Variants in SDK1 observed in about 807,000 individuals in gnomAD.
SDK1 encodes the protein sidekick cell adhesion molecule 1, also known as protein sidekick-1.
In SDK1, 157 loss-of-function variants were observed where a neutral mutation model predicts 245.5. The ratio of observed to expected loss-of-function variants is 0.64; its 90% confidence interval spans 0.56 to 0.73. The LOEUF (loss-of-function observed/expected upper bound fraction) is 0.73. Ranked by LOEUF, SDK1 falls within the 30% of genes least tolerant of loss-of-function variation. The probability of loss-of-function intolerance (pLI) is 0.00; values close to 1 mark genes in which losing one functional copy is unlikely to be tolerated. For synonymous variants in SDK1, 1,647 were observed against 1,278.5 expected (o/e 1.29, Z -6.15); for missense variants, 3,583 against 3,002.3 (o/e 1.19, Z -4.52).
chr7:3,761,942 T>C (rs745461904), intron 4 of SDK1, among the ~76,000 whole-genome samples: 1 of 152,176 alleles, frequency 6.6e-6, no homozygotes, highest in Non-Finnish European at 1.5e-5. Flanking sequence ...TAAGCAAATA[T>C]TGTTTCCATA....
At chr7:3,351,939 A>G (rs1456770160) in intron 1 of SDK1, among the ~76,000 whole-genome samples, 2 of 152,092 alleles carry the variant, frequency 1.3e-5, no homozygotes, top group Admixed American at 6.5e-5. Context: ...ATTCTTTTCA[A>G]GCACATGGAG....
chr7:3,392,208 A>G (rs1334357590), intron 1 of SDK1, among the ~76,000 whole-genome samples: 1 of 152,194 alleles, frequency 6.6e-6, no homozygotes, highest in African/African-American at 2.4e-5. Flanking sequence ...AGAGAAAAGC[A>G]TGATGAACCC....
chr7:4,060,933 T>A (rs1028633961), intron 19 of SDK1, among the ~76,000 whole-genome samples: 1 of 151,956 alleles, frequency 6.6e-6, no homozygotes, highest in African/African-American at 2.4e-5. Flanking sequence ...CTCAGGTTTG[T>A]CAAAGATCAG....
At chr7:3,686,375 C>T (rs893572949) in intron 4 of SDK1, among the ~76,000 whole-genome samples, 10 of 152,164 alleles carry the variant, frequency 6.6e-5, no homozygotes, top group Admixed American at 3.3e-4. Context: ...CATGCCTGGC[C>T]AAGGCAAACG....
At chr7:3,861,055 A>G (rs1265494544) in intron 5 of SDK1, among the ~76,000 whole-genome samples, 5 of 152,198 alleles carry the variant, frequency 3.3e-5, no homozygotes, top group Admixed American at 1.3e-4. Context: ...TTAGGCCGAC[A>G]CGATTATAAT....
chr7:3,701,980 A>C (rs1339219078), intron 4 of SDK1, among the ~76,000 whole-genome samples: 1 of 151,822 alleles, frequency 6.6e-6, no homozygotes, highest in East Asian at 1.9e-4. Context: ...CCTACACCCT[A>C]ATCTTTATAT....
intron 4 of SDK1, among the ~76,000 whole-genome samples, chr7:3,711,467 A>G (rs10264235): frequency 0.15 from 22,676 of 152,138 alleles, 2,734 homozygotes; most frequent in African/African-American, 0.33. Context: ...GAAGGAAACA[A>G]TGACTCAGGT....
At chr7:4,120,819 T>A in intron 25 of SDK1, among the ~76,000 whole-genome samples, 1 of 151,960 alleles carries the variant, frequency 6.6e-6, no homozygotes, top group Admixed American at 6.6e-5. Flanking sequence ...TTTCACCATG[T>A]TGGCCAGGCT....
At chr7:3,389,312 A>G (rs1048916987) in intron 1 of SDK1, among the ~76,000 whole-genome samples, 1 of 152,192 alleles carries the variant, frequency 6.6e-6, no homozygotes, top group Non-Finnish European at 1.5e-5. Flanking sequence ...GGTGGGCTCC[A>G]AATACAATTA....
chr7:3,762,846 T>C (rs1780145982), intron 4 of SDK1, among the ~76,000 whole-genome samples: 1 of 152,244 alleles, frequency 6.6e-6, no homozygotes, highest in South Asian at 2.1e-4. Context: ...GAATATGTTA[T>C]AAAATCACAC....
chr7:3,892,176 G>A (rs1781476825), intron 5 of SDK1, among the ~76,000 whole-genome samples: 2 of 152,120 alleles, frequency 1.3e-5, no homozygotes, highest in Non-Finnish European at 2.9e-5. Flanking sequence ...TTTTTGTAAT[G>A]GCAGCCCTAC....
chr7:3,574,499 A>C (rs1780222619), intron 1 of SDK1, among the ~76,000 whole-genome samples: 1 of 152,070 alleles, frequency 6.6e-6, no homozygotes, highest in Non-Finnish European at 1.5e-5. Context: ...TAAGGTAACC[A>C]ACGGGGCTAG....
chr7:3,948,387 A>G (rs1298861880), intron 5 of SDK1, among the ~76,000 whole-genome samples: 1 of 150,856 alleles, frequency 6.6e-6, no homozygotes, highest in Non-Finnish European at 1.5e-5. Context: ...TCTCCCGAGT[A>G]GCTGGGACTA....
intron 1 of SDK1, among the ~76,000 whole-genome samples, chr7:3,360,008 T>C (rs1458051816): frequency 3.9e-5 from 6 of 152,182 alleles, no homozygotes; most frequent in Non-Finnish European, 8.8e-5. Flanking sequence ...TACAACACTT[T>C]GTTTTGCTTC....
At position 3,738,179 on chromosome 7, in the gene SDK1, A is replaced by C. The variant is rs748439939; in HGVS notation, c.714-83271A>C. ...TTTTATTGTAAGTGCTTTCAATTTTAGGTCTTAGGTTTAAATCTTTGTTCT... is the reference window on the plus strand; with the variant it reads ...TTTTATTGTAAGTGCTTTCAATTTTCGGTCTTAGGTTTAAATCTTTGTTCT... On this transcript the variant is annotated intron_variant, in intron 4 of 44. Transcript: ENST00000404826. Among the ~76,000 whole-genome samples, 3 of 152,166 alleles carry C rather than the reference A, an allele frequency of 2.0e-5. No individual in the cohort carries two copies. The South Asian group carries it at 6.2e-4, about 32-fold the overall frequency.
chr7:4,252,034 C>T (rs2128241040), intron 44 of SDK1, among the ~76,000 whole-genome samples: 1 of 152,274 alleles, frequency 6.6e-6, no homozygotes, highest in East Asian at 1.9e-4. Flanking sequence ...AATAAATGCC[C>T]ATTGTTCATA....
chr7:4,127,394 C>T lies in SDK1; in HGVS notation c.3837C>T (p.Ala1279=). ...GGTTCTTTGCAGTTCCTTCAGCCGC[C>T]CCTGAGAACGTGTCAGCCGAGGCTG... ...GRTRESVPSA[A]PENVSAEAVS... is the part of the protein sequence containing the mutation. Residue 1279 remains alanine (A), a synonymous_variant, in exon 26 of 45, where the codon GCC becomes GCT. Transcript: ENST00000404826. 6.2e-7 allele frequency: 1 copy of T among 1,614,082 alleles called. No individual in the cohort carries two copies. Among genetic ancestry groups the T allele is most frequent in the Non-Finnish European group, 8.5e-7 (1 of 1,179,934 alleles).
At chr7:3,586,372 A>T (rs1277741642) in intron 1 of SDK1, among the ~76,000 whole-genome samples, 2 of 151,888 alleles carry the variant, frequency 1.3e-5, no homozygotes, top group African/African-American at 4.8e-5. Context: ...CAGCAAATTG[A>T]GGAGGGCTCG....
chr7:4,062,368 G>T (rs1047882384), intron 19 of SDK1, among the ~76,000 whole-genome samples: 3 of 151,872 alleles, frequency 2.0e-5, no homozygotes, highest in Admixed American at 6.6e-5. Flanking sequence ...AGGAGAAATG[G>T]ATAAATTCCT....
Sources: gnomAD v4.1 joint callset for allele counts (sites outside exome capture counted in the v4.1 genomes callset) on GRCh38, gnomAD v4.1.1 for gene constraint, MANE v1.5 for transcripts, NCBI Gene and HGNC (gene_info 2026-07-23, HGNC 2026-07-21) for gene names.